The following ROBO2 variants were observed in gnomAD, a reference collection of about 807,000 sequenced individuals.
ROBO2 encodes the protein roundabout guidance receptor 2.
ROBO2 carries 53 observed loss-of-function variants against 160.8 expected under a neutral mutation model. The ratio of observed to expected loss-of-function variants is 0.33; its 90% CI spans 0.26 to 0.41. ROBO2 has a LOEUF of 0.41. Among genes scored for constraint, ROBO2 ranks in the 10% least tolerant of loss-of-function variants. The pLI is 1.00. For missense variants in ROBO2, 1,577 were observed against 1,722.4 expected (o/e 0.92, Z 1.49); for synonymous variants, 664 against 611.7 (o/e 1.09, Z -1.26).
chr3:76,991,385 C>G lies in ROBO2; in HGVS notation c.110-106629C>G, dbSNP rs563021146. On this transcript the variant is annotated intron_variant, in intron 2 of 26. Transcript: ENST00000487694. Reference sequence around the variant, plus strand: ...TTCACCTAAATGCAATATCATCGCACAGTATGCATTGTTTTCTAGTTTTCA... The same window carrying G: ...TTCACCTAAATGCAATATCATCGCAGAGTATGCATTGTTTTCTAGTTTTCA... 2.0e-5 allele frequency among the ~76,000 whole-genome samples: 3 copies of G among 152,278 alleles called. No homozygotes were observed. The South Asian group carries it at 6.2e-4, about 32-fold the overall frequency.
At chr3:77,528,739 G>T (rs775594447) in intron 6 of ROBO2, among the ~76,000 whole-genome samples, 6 of 151,528 alleles carry the variant, frequency 4.0e-5, no homozygotes, top group Non-Finnish European at 8.9e-5. Context: ...TCTGAGGCAT[G>T]ACTTCACATT....
chr3:76,778,516 A>G (rs2062424596), intron 2 of ROBO2, among the ~76,000 whole-genome samples: 1 of 151,110 alleles, frequency 6.6e-6, no homozygotes. Flanking sequence ...AAAATAAATG[A>G]ACGTTGTTGT....
chr3:77,493,086 A>G (rs1170434342), intron 4 of ROBO2, among the ~76,000 whole-genome samples, 158 bp from the exon 5 acceptor site: 1 of 152,194 alleles, frequency 6.6e-6, no homozygotes, highest in Non-Finnish European at 1.5e-5. Context: ...ATTGAATGAC[A>G]TTGGATTCAC....
chr3:76,889,971 G>A (rs147343038), intron 2 of ROBO2, among the ~76,000 whole-genome samples: 4 of 152,254 alleles, frequency 2.6e-5, no homozygotes, highest in African/African-American at 2.4e-5. Context: ...AGAGAAGTGA[G>A]AGCGATGTAG....
At chr3:76,206,033 C>G (rs34509816) in intron 2 of ROBO2, among the ~76,000 whole-genome samples, 49,120 of 152,020 alleles carry the variant, frequency 0.32, 8,904 homozygotes, top group Non-Finnish European at 0.41. Flanking sequence ...AGAGAGGTGG[C>G]TGTCCCTCTA....
rs552915468 is a variant in ROBO2, at chr3:76,065,074, G to A, written c.109+127472G>A. 5.9e-5 allele frequency among the ~76,000 whole-genome samples: 9 copies of A among 152,132 alleles called. No homozygotes were observed. The East Asian group carries it at 1.5e-3, about 26-fold the overall frequency. On this transcript the variant is annotated intron_variant, in intron 2 of 26. Transcript: ENST00000487694. ...AGTTGAAACAACTTAAAGAAATGAA[G>A]CAAAAGTGGTTAAAAAATATAATAG...
chr3:76,054,538 G>A (rs575026600), intron 2 of ROBO2, among the ~76,000 whole-genome samples: 142 of 152,194 alleles, frequency 9.3e-4, no homozygotes, highest in African/African-American at 3.3e-3. Context: ...CAAGTTTACT[G>A]CCTTCTTGTT....
At chr3:77,610,129 G>A (rs12636621) in intron 21 of ROBO2, among the ~76,000 whole-genome samples, 8,468 of 150,994 alleles carry the variant, frequency 0.056, 333 homozygotes, top group East Asian at 0.2. Flanking sequence ...TTTTCTAATC[G>A]GTAAACCATA....
At chr3:76,520,281 T>A (rs899187872) in intron 2 of ROBO2, among the ~76,000 whole-genome samples, 1 of 152,086 alleles carries the variant, frequency 6.6e-6, no homozygotes, top group African/African-American at 2.4e-5. Flanking sequence ...TGAAACCCCG[T>A]CTCTACTAAA....
At chr3:77,394,870 C>T (rs369754858) in intron 2 of ROBO2, among the ~76,000 whole-genome samples, 5 of 152,152 alleles carry the variant, frequency 3.3e-5, no homozygotes, top group East Asian at 1.9e-4. Context: ...AGCTTCTAAC[C>T]GTACTACATT....
intron 3 of ROBO2, among the ~76,000 whole-genome samples, chr3:77,478,808 A>G (rs2084342326): frequency 6.6e-6 from 1 of 152,214 alleles, no homozygotes; most frequent in African/African-American, 2.4e-5. Context: ...CATAAAACAG[A>G]ACTAGATAGG....
At chr3:77,031,063 C>T (rs1392088005) in intron 2 of ROBO2, among the ~76,000 whole-genome samples, 1 of 152,154 alleles carries the variant, frequency 6.6e-6, no homozygotes, top group Non-Finnish European at 1.5e-5. Context: ...CCAGCTTTCT[C>T]CCACCCTTGA....
intron 2 of ROBO2, among the ~76,000 whole-genome samples, chr3:76,030,234 T>G (rs1227800122): frequency 1.3e-5 from 2 of 152,214 alleles, no homozygotes; most frequent in Non-Finnish European, 2.9e-5. Flanking sequence ...TCTTGTAAAT[T>G]TGTTTAAGTT....
chr3:77,014,190 A>T (rs1041004935), intron 2 of ROBO2, among the ~76,000 whole-genome samples: 17 of 151,818 alleles, frequency 1.1e-4, no homozygotes, highest in African/African-American at 3.9e-4. Context: ...TAGTCAACAG[A>T]CTCTAAACTT....
chr3:76,944,247 G>A lies in ROBO2; in HGVS notation c.110-153767G>A, dbSNP rs187672559. The stretch of plus-strand genomic sequence containing the variant: ...ACATACTACAATCCTATACTGGCAA[G>A]TTATCACAAATTTTTCAAGTCCAAA... On this transcript the variant is annotated intron_variant, in intron 2 of 26. Transcript: ENST00000487694. 3.0e-3 allele frequency among the ~76,000 whole-genome samples: 452 copies of A among 152,002 alleles called. 2 individuals carry two copies. Among genetic ancestry groups the A allele is most frequent in the South Asian group, 0.015 (74 of 4,810 alleles).
intron 2 of ROBO2, among the ~76,000 whole-genome samples, chr3:77,401,444 A>G (rs1006552957): frequency 2.0e-5 from 3 of 152,192 alleles, no homozygotes; most frequent in Non-Finnish European, 2.9e-5. Flanking sequence ...GATGCAACTC[A>G]GAATTTTATG....
chr3:76,746,141 T>A (rs1173555441), intron 2 of ROBO2, among the ~76,000 whole-genome samples: 1 of 152,098 alleles, frequency 6.6e-6, no homozygotes, highest in African/African-American at 2.4e-5. Flanking sequence ...ATTTCATCCA[T>A]GTCCCTAAAA....
intron 2 of ROBO2, among the ~76,000 whole-genome samples, chr3:77,305,911 C>T (rs1170695865): frequency 3.9e-5 from 6 of 152,026 alleles, no homozygotes; most frequent in Admixed American, 1.3e-4. Context: ...TGTCTGTGCC[C>T]TTTTATTCTT....
intron 2 of ROBO2, among the ~76,000 whole-genome samples, chr3:75,962,234 A>G (rs1340787683): frequency 1.3e-5 from 2 of 151,824 alleles, no homozygotes; most frequent in East Asian, 2.0e-4. Flanking sequence ...CTGACTTTTC[A>G]TCAGAAACAA....
Sources: gnomAD v4.1 joint callset for allele counts (sites outside exome capture counted in the v4.1 genomes callset) on GRCh38, gnomAD v4.1.1 for gene constraint, MANE v1.5 for transcripts, NCBI Gene and HGNC (gene_info 2026-07-23, HGNC 2026-07-21) for gene names.